NXPE2: variants seen among roughly 807,000 people sequenced by gnomAD.
NXPE2 encodes the protein neurexophilin and PC-esterase domain family member 2.
Under a neutral mutation model 34.4 loss-of-function variants are expected in NXPE2, and 34 were observed. That is an observed-to-expected ratio of 0.99 (90% CI 0.75 to 1.31). The LOEUF (loss-of-function observed/expected upper bound fraction) is 1.31. NXPE2 is among the 40% of genes most tolerant of loss of function. NXPE2 has a pLI of 0.00. For missense variants in NXPE2, 649 were observed against 672.5 expected (o/e 0.97, Z 0.39); for synonymous variants, 235 against 231.3 (o/e 1.02, Z -0.15).
the NXPE2 span, among the ~76,000 whole-genome samples, chr11:114,470,011 G>T: frequency 0.023 from 3,564 of 152,128 alleles, 137 homozygotes; most frequent in African/African-American, 0.08. Context: ...CCATGTTTTT[G>T]CAAGTATCAA....
chr11:114,469,816 C>T, the NXPE2 span, among the ~76,000 whole-genome samples: 2 of 152,304 alleles, frequency 1.3e-5, no homozygotes, highest in Admixed American at 6.5e-5. Context: ...AAAGTTTCCT[C>T]GTGCCTGTTT....
chr11:114,725,992 T>TATATAA, the NXPE2 span, among the ~76,000 whole-genome samples: 9 of 140,030 alleles, frequency 6.4e-5, no homozygotes, highest in African/African-American at 1.0e-4. Context: ...TATATATATA[T>TATATAA]AAAAAGAAAA....
intron 3 of NXPE2, among the ~76,000 whole-genome samples, chr11:114,703,726 CAGAT>C (rs71465300): frequency 0.22 from 32,775 of 151,158 alleles, 3,872 homozygotes; most frequent in East Asian, 0.42. Flanking sequence ...GACAGACAGA[CAGAT>C]AGATAGATAG....
the NXPE2 span, among the ~76,000 whole-genome samples, chr11:114,574,320 C>A: frequency 6.6e-6 from 1 of 151,492 alleles, no homozygotes; most frequent in African/African-American, 2.4e-5. Flanking sequence ...CAAGAATAAT[C>A]CAAACCCAAA....
At chr11:114,619,481 C>T in the NXPE2 span, among the ~76,000 whole-genome samples, 2 of 148,678 alleles carry the variant, frequency 1.3e-5, no homozygotes, top group Non-Finnish European at 2.9e-5. Flanking sequence ...CACTGTTACC[C>T]AGTGGAGGAT....
chr11:114,601,659 A>ATT, the NXPE2 span, among the ~76,000 whole-genome samples: 2 of 38,080 alleles, frequency 5.3e-5, no homozygotes, highest in Admixed American at 4.7e-4. Flanking sequence ...ATATATTATA[A>ATT]ATAATTATAT....
the NXPE2 span, among the ~76,000 whole-genome samples, chr11:114,759,096 A>G: frequency 0.031 from 4,692 of 152,132 alleles, 77 homozygotes; most frequent in Middle Eastern, 0.061. Context: ...ACACATGCGC[A>G]CACACACACA....
the NXPE2 span, among the ~76,000 whole-genome samples, chr11:114,739,358 C>T: frequency 4.3e-5 from 3 of 69,280 alleles, no homozygotes; most frequent in African/African-American, 1.1e-4. Flanking sequence ...CTCTCTCCCT[C>T]CCTCCCTCCC....
chr11:114,475,680 T>G, the NXPE2 span, among the ~76,000 whole-genome samples: 3 of 152,212 alleles, frequency 2.0e-5, no homozygotes, highest in Admixed American at 2.0e-4. Flanking sequence ...ACAGTGGCAG[T>G]GTCAACATTT....
At chr11:114,631,397 A>T in the NXPE2 span, among the ~76,000 whole-genome samples, 10 of 151,754 alleles carry the variant, frequency 6.6e-5, no homozygotes, top group African/African-American at 2.4e-4. Context: ...ATTGGAAATC[A>T]TCATTCTCAG....
At chr11:114,704,662 T>G (rs1366852577) in intron 4 of NXPE2, among the ~76,000 whole-genome samples, 1 of 152,192 alleles carries the variant, frequency 6.6e-6, no homozygotes, top group East Asian at 1.9e-4. Context: ...CATCACCCCT[T>G]TTTCATGCAT....
the NXPE2 span, among the ~76,000 whole-genome samples, chr11:114,601,625 T>C: frequency 2.8e-5 from 1 of 35,744 alleles, no homozygotes; most frequent in Non-Finnish European, 5.6e-5. Flanking sequence ...ATATATTATA[T>C]ATTATTTATA....
the NXPE2 span, among the ~76,000 whole-genome samples, chr11:114,750,033 A>G: frequency 1.3e-5 from 2 of 151,868 alleles, no homozygotes; most frequent in Admixed American, 6.6e-5. Flanking sequence ...CTTCTCACCC[A>G]CCCAGGCTCA....
the NXPE2 span, among the ~76,000 whole-genome samples, chr11:114,663,662 TCTA>T: frequency 4.6e-5 from 6 of 131,284 alleles, no homozygotes; most frequent in East Asian, 2.2e-4. Flanking sequence ...CATCTATTTA[TCTA>T]TCATCTATCT....
chr11:114,571,580 A>T, the NXPE2 span: 1,885 of 1,051,854 alleles, frequency 1.8e-3, 21 homozygotes, highest in African/African-American at 0.024. Flanking sequence ...TAAGCTAATC[A>T]TGTCTAATTT....
chr11:114,686,672 T>C (rs1266721445), intron 2 of NXPE2, among the ~76,000 whole-genome samples: 1 of 152,192 alleles, frequency 6.6e-6, no homozygotes, highest in African/African-American at 2.4e-5. Context: ...ATTATATTTT[T>C]AGTTATTTGA....
chr11:114,632,502 G>C, the NXPE2 span, among the ~76,000 whole-genome samples: 11 of 118,462 alleles, frequency 9.3e-5, no homozygotes, highest in African/African-American at 2.9e-4. Flanking sequence ...ATATATTATA[G>C]TATTTTATTT....
At chr11:114,676,238 C>CA (rs1381614680), upstream of NXPE2, among the ~76,000 whole-genome samples, 1 of 151,440 alleles carries the variant, frequency 6.6e-6, no homozygotes, top group Non-Finnish European at 1.5e-5. Flanking sequence ...GGCAACAAAA[C>CA]AAAAAATAGA....
the NXPE2 span, among the ~76,000 whole-genome samples, chr11:114,482,801 C>A: frequency 3.3e-5 from 5 of 152,310 alleles, no homozygotes; most frequent in South Asian, 2.1e-4. Context: ...GTATGTGTGT[C>A]ATTTCATAAG....
Sources: gnomAD v4.1 joint callset for allele counts (sites outside exome capture counted in the v4.1 genomes callset) on GRCh38, gnomAD v4.1.1 for gene constraint, MANE v1.5 for transcripts, NCBI Gene and HGNC (gene_info 2026-07-23, HGNC 2026-07-21) for gene names.